The following TCF4 variants were observed in gnomAD, a reference collection of about 807,000 sequenced individuals.
The protein encoded by TCF4 is transcription factor 4.
A neutral mutation model predicts 82.1 loss-of-function variants in TCF4; 3 were observed. That is an observed-to-expected ratio of 0.04 (90% confidence interval 0.02 to 0.09). TCF4 has a LOEUF of 0.09. Among genes scored for constraint, TCF4 ranks in the 10% least tolerant of loss-of-function variants. TCF4 has a pLI of 1.00. For missense variants in TCF4, 518 were observed against 852.7 expected (o/e 0.61, Z 4.89); for synonymous variants, 276 against 309.6 (o/e 0.89, Z 1.14).
rs1370770436 is a variant in TCF4, at chr18:55,621,811, ATATT to A, written c.286+9483_286+9486del. Among the ~76,000 whole-genome samples the A allele has an allele frequency of 3.0e-3, 275 of 90,248 alleles. 1 individual carries two copies. Among genetic ancestry groups the A allele is most frequent in the Admixed American group, 6.4e-3 (31 of 4,864 alleles). 59.2% of individuals were successfully genotyped at this position (90,248 alleles called of 152,430 possible). A position where few individuals can be genotyped will look rare whatever the true frequency, so the allele number is the denominator to read the frequency against. ...TATTATATATTATATGTTATATTAT[ATATT>A]ATATTATATAATATATATACACTAT... On this transcript the variant is annotated intron_variant, in intron 2 of 20. Coordinates refer to the TCF4 transcript ENST00000398339.
chr18:55,449,206 GT>G (rs200167664), intron 5 of TCF4, among the ~76,000 whole-genome samples: 4,778 of 151,250 alleles, frequency 0.032, 99 homozygotes, highest in Non-Finnish European at 0.048. Flanking sequence ...ACCAGGTTGG[GT>G]TTTTTTTTCC....
At chr18:55,378,281 T>C (rs908414858) in intron 6 of TCF4, among the ~76,000 whole-genome samples, 5 of 152,180 alleles carry the variant, frequency 3.3e-5, no homozygotes, top group African/African-American at 9.7e-5. Context: ...CTAATAACCA[T>C]CAGTTTAAAA....
chr18:55,478,081 C>A (rs1417546336), intron 3 of TCF4, among the ~76,000 whole-genome samples: 1 of 152,194 alleles, frequency 6.6e-6, no homozygotes, highest in Admixed American at 6.5e-5. Flanking sequence ...GATAACCAGA[C>A]ATCTTGAGAG....
At chr18:55,377,024 T>C (rs779164152) in intron 6 of TCF4, among the ~76,000 whole-genome samples, 20 of 152,126 alleles carry the variant, frequency 1.3e-4, no homozygotes, top group Non-Finnish European at 2.5e-4. Context: ...GTGGGTGTCA[T>C]TACACTGTAA....
chr18:55,565,144 A>C (rs2097392614), intron 3 of TCF4, among the ~76,000 whole-genome samples: 1 of 152,180 alleles, frequency 6.6e-6, no homozygotes, highest in Admixed American at 6.5e-5. Context: ...TGCTGGGAAG[A>C]ATGGGAGTTA....
At chr18:55,485,197 C>T (rs754935305) in intron 3 of TCF4, among the ~76,000 whole-genome samples, 5 of 152,084 alleles carry the variant, frequency 3.3e-5, no homozygotes, top group Non-Finnish European at 7.3e-5. Flanking sequence ...AGGCAGTACA[C>T]GGAGGAAGGA....
At chr18:55,385,391 C>T (rs2092498306) in intron 6 of TCF4, among the ~76,000 whole-genome samples, 1 of 152,196 alleles carries the variant, frequency 6.6e-6, no homozygotes. Context: ...AGAAAACCTC[C>T]AAATGTTTTT....
intron 2 of TCF4, chr18:55,585,888 CTCTT>C: frequency 8.2e-7 from 1 of 1,216,924 alleles, no homozygotes; most frequent in Non-Finnish European, 1.0e-6. Flanking sequence ...CTCTCACTCT[CTCTT>C]TCACTCCCTC....
chr18:55,379,280 T>C (rs182022953), intron 6 of TCF4, among the ~76,000 whole-genome samples: 144 of 152,304 alleles, frequency 9.5e-4, no homozygotes, highest in African/African-American at 3.3e-3. Context: ...ATCCACATAA[T>C]ACAGAACACA....
At chr18:55,376,321 C>T (rs140711006) in intron 6 of TCF4, among the ~76,000 whole-genome samples, 32 of 152,006 alleles carry the variant, frequency 2.1e-4, no homozygotes, top group Admixed American at 3.3e-4. Flanking sequence ...CCACCGTGCC[C>T]GGACAATAAT....
At chr18:55,367,507 C>A (rs1353135112) in intron 6 of TCF4, among the ~76,000 whole-genome samples, 2 of 152,152 alleles carry the variant, frequency 1.3e-5, no homozygotes, top group African/African-American at 4.8e-5. Context: ...GCCCCTTCAC[C>A]AATGCAATGT....
At chr18:55,601,234 G>T (rs976200194) in intron 2 of TCF4, among the ~76,000 whole-genome samples, 3 of 152,144 alleles carry the variant, frequency 2.0e-5, no homozygotes, top group Non-Finnish European at 2.9e-5. Flanking sequence ...AGGGACAATT[G>T]AGTAGATAAA....
intron 2 of TCF4, among the ~76,000 whole-genome samples, chr18:55,623,889 TGA>T (rs2097724004): frequency 2.6e-5 from 4 of 152,178 alleles, no homozygotes; most frequent in Non-Finnish European, 4.4e-5. Flanking sequence ...CCAGAACTTA[TGA>T]GAGAGATTTT....
At chr18:55,506,617 A>G (rs1250017488) in intron 3 of TCF4, among the ~76,000 whole-genome samples, 1 of 152,142 alleles carries the variant, frequency 6.6e-6, no homozygotes, top group Non-Finnish European at 1.5e-5. Context: ...GCAAGCATGC[A>G]TTCATTTATT....
chr18:55,276,782 A>T (rs372747943), intron 9 of TCF4, among the ~76,000 whole-genome samples: 11 of 152,212 alleles, frequency 7.2e-5, no homozygotes, highest in Non-Finnish European at 1.3e-4. Flanking sequence ...TATTTTCACC[A>T]TAACATTTTA....
chr18:55,254,660 G>A lies in TCF4; in HGVS notation c.1187C>T (p.Ala396Val). Residue 396 changes from alanine to valine, a missense_variant, in exon 15 of 20, where the codon GCT (alanine) becomes GTT (valine). Physicochemically the swap from Ala to Val is moderately conservative, Grantham distance 64. Around this residue, in one of 7 missense-constraint regions of TCF4, gnomAD observed 6 missense variants for 28.6 expected, o/e 0.21. Coordinates refer to ENST00000354452, the MANE Select transcript of TCF4 (RefSeq NM_001083962.2). ...IEDRLERLDD[A>V]IHVLRNHAVG... is the part of the protein sequence containing the mutation. ...TGCATGGTTCCGGAGAACATGAATAGCATCATCCAGTCTTTCTAAACGATC... is the reference window on the plus strand; with the variant it reads ...TGCATGGTTCCGGAGAACATGAATAACATCATCCAGTCTTTCTAAACGATC... 1 of 1,613,210 alleles carries A rather than the reference G, an allele frequency of 6.2e-7. No individual in the cohort carries two copies. Among genetic ancestry groups the A allele is most frequent in the East Asian group, 2.2e-5 (1 of 44,758 alleles).
At chr18:55,452,885 CT>C (rs2095653619) in intron 5 of TCF4, among the ~76,000 whole-genome samples, 1 of 152,228 alleles carries the variant, frequency 6.6e-6, no homozygotes, top group African/African-American at 2.4e-5. Flanking sequence ...CCTACTCCAT[CT>C]TCCTCTCTAA....
At chr18:55,513,447 CTG>C (rs1283654368) in intron 3 of TCF4, among the ~76,000 whole-genome samples, 1 of 150,308 alleles carries the variant, frequency 6.7e-6, no homozygotes, top group Non-Finnish European at 1.5e-5. Context: ...GCCACAATGA[CTG>C]TGTGAATGAG....
intron 3 of TCF4, among the ~76,000 whole-genome samples, chr18:55,541,402 G>A (rs2097164080): frequency 6.6e-6 from 1 of 151,922 alleles, no homozygotes; most frequent in South Asian, 2.1e-4. Flanking sequence ...AATAAGTGTA[G>A]TTTATAGGAT....
Sources: allele counts gnomAD v4.1 joint callset (sites outside exome capture counted in the v4.1 genomes callset), GRCh38; gene constraint gnomAD v4.1.1; regional missense constraint gnomAD v4.1.1; transcripts MANE v1.5; gene names NCBI Gene and HGNC (gene_info 2026-07-23, HGNC 2026-07-21).